The following ST6GAL1 variants were observed in gnomAD, a reference collection of about 807,000 sequenced individuals.
ST6GAL1 encodes the protein beta-galactoside alpha-2,6-sialyltransferase 1.
In ST6GAL1, 20 loss-of-function variants were observed where a neutral mutation model predicts 38.0. That is an observed-to-expected ratio of 0.53 (90% CI 0.37 to 0.77). The LOEUF is 0.77. Ranked by LOEUF, ST6GAL1 falls within the 30% of genes least tolerant of loss-of-function variation. ST6GAL1 has a pLI of 0.00. For missense variants in ST6GAL1, 432 were observed against 496.4 expected (o/e 0.87, Z 1.23); for synonymous variants, 196 against 188.2 (o/e 1.04, Z -0.34).
chr3:187,008,960 C>G lies in ST6GAL1; in HGVS notation c.-182-29782C>G, dbSNP rs148686923. Among the ~76,000 whole-genome samples the G allele has an allele frequency of 5.1e-3, 771 of 152,102 alleles. 23 individuals carry two copies. In the East Asian group the frequency reaches 0.081, roughly 16 times the overall value. Reference sequence around the variant, plus strand: ...TTTCAGGTTATGCATGGACTGAAGTCAAACTACAGTCTTTGGCAGCATTTC... The same window carrying G: ...TTTCAGGTTATGCATGGACTGAAGTGAAACTACAGTCTTTGGCAGCATTTC... On this transcript the variant is annotated intron_variant, in intron 2 of 7. Coordinates refer to ENST00000169298, the MANE Select transcript of ST6GAL1 (RefSeq NM_173216.2).
chr3:187,028,020 G>A lies in ST6GAL1; in HGVS notation c.-182-10722G>A, dbSNP rs569165410. On this transcript the variant is annotated intron_variant, in intron 2 of 7. Coordinates refer to ENST00000169298, the MANE Select transcript of ST6GAL1 (RefSeq NM_173216.2). The stretch of plus-strand genomic sequence containing the variant: ...CCATTTGGTTAGCAATGTGGAGATC[G>A]TGGAGGTCCTTGTGACTCTGACAAG... 4.0e-5 allele frequency among the ~76,000 whole-genome samples: 6 copies of A among 151,452 alleles called. No homozygotes were observed. In the South Asian group the frequency reaches 1.3e-3, roughly 32 times the overall value.
intron 1 of ST6GAL1, among the ~76,000 whole-genome samples, chr3:186,948,323 C>G (rs1714449636): frequency 6.6e-6 from 1 of 152,202 alleles, no homozygotes; most frequent in African/African-American, 2.4e-5. Context: ...CAGCTTTATT[C>G]TCCAGAAGTA....
chr3:186,936,365 G>A (rs1713952186), intron 1 of ST6GAL1, among the ~76,000 whole-genome samples: 1 of 152,170 alleles, frequency 6.6e-6, no homozygotes, highest in Non-Finnish European at 1.5e-5. Flanking sequence ...AATTTAGACA[G>A]GGAATTAGTT....
At chr3:186,999,857 T>A (rs2377935) in intron 2 of ST6GAL1, among the ~76,000 whole-genome samples, 14 of 83,950 alleles carry the variant, frequency 1.7e-4, no homozygotes, top group African/African-American at 6.2e-4. Flanking sequence ...TTATTTATAT[T>A]TTTTTTAGAG....
chr3:187,006,683 T>G (rs1051490916), intron 2 of ST6GAL1: 4 of 152,244 alleles, frequency 2.6e-5, no homozygotes, highest in African/African-American at 7.2e-5. Flanking sequence ...GTCACACATC[T>G]AGCAATTAGC....
At chr3:187,035,814 C>G (rs1717910439) in intron 2 of ST6GAL1, among the ~76,000 whole-genome samples, 3 of 122,830 alleles carry the variant, frequency 2.4e-5, no homozygotes, top group Admixed American at 1.8e-4. Context: ...GGAAGAAAAC[C>G]TAGGAAACAC....
chr3:187,066,862 A>G (rs1260412737), intron 5 of ST6GAL1, among the ~76,000 whole-genome samples: 1 of 151,978 alleles, frequency 6.6e-6, no homozygotes, highest in Non-Finnish European at 1.5e-5. Context: ...CCCTGCAGGT[A>G]AGTACAGGCG....
chr3:186,974,907 T>A (rs939926297), intron 2 of ST6GAL1: 1 of 152,212 alleles, frequency 6.6e-6, no homozygotes, highest in South Asian at 2.1e-4. Context: ...GTAACTCTTA[T>A]TGGAAGGCAA....
intron 1 of ST6GAL1, among the ~76,000 whole-genome samples, chr3:186,937,413 A>G (rs1398443904): frequency 6.6e-6 from 1 of 152,148 alleles, no homozygotes; most frequent in Non-Finnish European, 1.5e-5. Flanking sequence ...GTGGGGAGAG[A>G]AGAGGCCTGC....
intron 3 of ST6GAL1, among the ~76,000 whole-genome samples, chr3:187,040,155 C>A (rs1387586094): frequency 1.3e-5 from 2 of 152,148 alleles, no homozygotes; most frequent in African/African-American, 4.8e-5. Context: ...TTTGTATTTC[C>A]AAACCTCACT....
intron 1 of ST6GAL1, among the ~76,000 whole-genome samples, chr3:186,946,036 G>A (rs2108517978): frequency 6.6e-6 from 1 of 151,028 alleles, no homozygotes; most frequent in South Asian, 2.1e-4. Context: ...GCCGGGCGCG[G>A]TGGCTCATGC....
intron 2 of ST6GAL1, among the ~76,000 whole-genome samples, chr3:187,020,373 ACT>A (rs1298699162): frequency 6.6e-6 from 1 of 152,012 alleles, no homozygotes; most frequent in Non-Finnish European, 1.5e-5. Flanking sequence ...AATGACTTAA[ACT>A]CTCTGAGTTT....
chr3:187,011,665 C>T (rs1011731947), intron 2 of ST6GAL1, among the ~76,000 whole-genome samples: 1 of 152,208 alleles, frequency 6.6e-6, no homozygotes, highest in Non-Finnish European at 1.5e-5. Flanking sequence ...CTGGTATCTG[C>T]GTCATTAATT....
At chr3:187,064,810 G>A (rs1283877008) in intron 5 of ST6GAL1, among the ~76,000 whole-genome samples, 3 of 152,218 alleles carry the variant, frequency 2.0e-5, no homozygotes, top group Middle Eastern at 3.4e-3. Flanking sequence ...CTTTTGTCCT[G>A]GTCAGTTATC....
intron 2 of ST6GAL1, among the ~76,000 whole-genome samples, chr3:186,992,081 T>C (rs989461922): frequency 3.3e-5 from 5 of 152,202 alleles, no homozygotes; most frequent in Admixed American, 6.5e-5. Flanking sequence ...TATCCCGCCA[T>C]AAATACCTTC....
intron 2 of ST6GAL1, among the ~76,000 whole-genome samples, chr3:186,971,350 G>C (rs765326208): frequency 6.6e-6 from 1 of 152,194 alleles, no homozygotes; most frequent in Non-Finnish European, 1.5e-5. Flanking sequence ...CACGTGCCTC[G>C]GCCTCCTGAA....
At chr3:187,036,227 CTAT>C (rs1196539270) in intron 2 of ST6GAL1, among the ~76,000 whole-genome samples, 2 of 152,046 alleles carry the variant, frequency 1.3e-5, no homozygotes, top group South Asian at 2.1e-4. Context: ...GTCAGAATGG[CTAT>C]TATTAAGTCA....
At chr3:186,987,235 G>A (rs951710034) in intron 2 of ST6GAL1, among the ~76,000 whole-genome samples, 3 of 151,592 alleles carry the variant, frequency 2.0e-5, no homozygotes, top group African/African-American at 7.3e-5. Context: ...AGGAAGGAAG[G>A]AAGAAAGGAA....
Position 187,020,125 on chromosome 3 carries a change from C to T in ST6GAL1, c.-182-18617C>T, listed in dbSNP as rs1038105199. On this transcript the variant is annotated intron_variant, in intron 2 of 7. Transcript: ENST00000169298. Reference sequence around the variant, plus strand: ...CAGCCTGGCCAAGATGGTGAAACCACGTCTCTACTAAAAATACAAAAATTA... The same window carrying T: ...CAGCCTGGCCAAGATGGTGAAACCATGTCTCTACTAAAAATACAAAAATTA... Among the ~76,000 whole-genome samples, 10 of 152,042 alleles carry T rather than the reference C, an allele frequency of 6.6e-5. No individual in the cohort carries two copies. In the East Asian group the frequency reaches 7.7e-4, roughly 12 times the overall value.
Sources: gnomAD v4.1 joint callset for allele counts (sites outside exome capture counted in the v4.1 genomes callset) on GRCh38, gnomAD v4.1.1 for gene constraint, MANE v1.5 for transcripts, NCBI Gene and HGNC (gene_info 2026-07-23, HGNC 2026-07-21) for gene names.